COL19A1: variants seen among roughly 807,000 people sequenced by gnomAD.
COL19A1 encodes collagen type XIX alpha 1 chain.
A neutral mutation model predicts 190.2 loss-of-function variants in COL19A1; 159 were observed. The observed-to-expected ratio is 0.84, with a 90% confidence interval of 0.73 to 0.95. The LOEUF is 0.95. COL19A1 is among the 40% of genes least tolerant of loss of function. COL19A1 has a pLI of 0.00. For missense variants in COL19A1, 1,418 were observed against 1,431.9 expected (o/e 0.99, Z 0.16); for synonymous variants, 509 against 458.9 (o/e 1.11, Z -1.39).
At chr6:69,998,204 A>G (rs1451505204) in intron 11 of COL19A1, among the ~76,000 whole-genome samples, 1 of 152,236 alleles carries the variant, frequency 6.6e-6, no homozygotes, top group East Asian at 1.9e-4. Context: ...GCATAAATGA[A>G]CTATAAGAGT....
intron 2 of COL19A1, among the ~76,000 whole-genome samples, chr6:69,880,282 G>C (rs1208472880): frequency 6.6e-6 from 1 of 152,102 alleles, no homozygotes; most frequent in African/African-American, 2.4e-5. Flanking sequence ...TGATTATGTG[G>C]TTAATTTGGA....
intron 14 of COL19A1, chr6:70,059,683 A>G: frequency 2.5e-6 from 1 of 400,580 alleles, no homozygotes; most frequent in Admixed American, 3.3e-5. Flanking sequence ...ATTCTTTGTC[A>G]ATATTTTTAA....
At position 69,938,076 on chromosome 6, in the gene COL19A1, G is replaced by A; in HGVS notation, c.912G>A (p.Gly304=). The change falls in exon 9 of 51, where the codon GGG becomes GGA. Residue 304 remains glycine (G), a synonymous_variant. Coordinates refer to ENST00000620364, the MANE Select transcript of COL19A1 (RefSeq NM_001858.6). ...TACCAGGAGCTCCGGGTTCACCTGG[G>A]CAGAAAGGGCATAAAGGAGAGCCGG... ...AGLPGAPGSP[G]QKGHKGEPGE... The A allele has an allele frequency of 6.2e-7, 1 of 1,612,666 alleles. No individual in the cohort carries two copies. The highest frequency in any genetic ancestry group is 1.7e-5 in the Admixed American group (1 of 59,852).
In COL19A1 at chr6:70,188,244, C is replaced by T. The variant is rs755925878; in HGVS notation, c.3026C>T (p.Pro1009Leu). The change falls in exon 47 of 51, where the codon CCG (proline) becomes CTG (leucine). Residue 1009 changes from proline to leucine, a missense_variant and splice_region_variant. Coordinates refer to ENST00000620364, the MANE Select transcript of COL19A1 (RefSeq NM_001858.6). ...PPGSPGIPGI[P>L]ADAVSFEEIK... Reference sequence around the variant, plus strand: ...GGCTCTCCAGGCATCCCTGGCATTCCGGTAAGTAGTGCTAAGACGCTTTAG... The same window carrying T: ...GGCTCTCCAGGCATCCCTGGCATTCTGGTAAGTAGTGCTAAGACGCTTTAG... 2.6e-5 allele frequency: 42 copies of T among 1,606,940 alleles called. No individual in the cohort carries two copies. Among genetic ancestry groups the T allele is most frequent in the Admixed American group, 6.8e-5 (4 of 58,544 alleles).
At chr6:70,061,423 T>C (rs1780822132) in intron 14 of COL19A1, among the ~76,000 whole-genome samples, 1 of 151,880 alleles carries the variant, frequency 6.6e-6, no homozygotes, top group African/African-American at 2.4e-5. Flanking sequence ...AGCAAAAGTG[T>C]GGAGGAGGAG....
chr6:70,163,883 C>A (rs1034501157), intron 36 of COL19A1, among the ~76,000 whole-genome samples: 1 of 152,120 alleles, frequency 6.6e-6, no homozygotes, highest in Non-Finnish European at 1.5e-5. Flanking sequence ...ACAGAGTCTG[C>A]CTTCTTGTTC....
chr6:70,188,340 A>C, intron 47 of COL19A1, 95 bp downstream of exon 47: 6 of 1,373,574 alleles, frequency 4.4e-6, no homozygotes, highest in Non-Finnish European at 5.8e-6. Flanking sequence ...CAAATAAATA[A>C]AACAAACCTA....
At chr6:70,111,793 C>A (rs1784299309) in intron 16 of COL19A1, among the ~76,000 whole-genome samples, 1 of 152,158 alleles carries the variant, frequency 6.6e-6, no homozygotes, top group South Asian at 2.1e-4. Context: ...ATTAGCACAA[C>A]CTATAGATAA....
At position 70,141,747 on chromosome 6, in the gene COL19A1, G is replaced by C. The variant is rs577860950; in HGVS notation, c.1483-146G>C. Reference sequence around the variant, plus strand: ...AGTAAGTATTTTGAATCATGTTTTAGAATGAACTCTCCTTGATTTTATTGT... The same window carrying C: ...AGTAAGTATTTTGAATCATGTTTTACAATGAACTCTCCTTGATTTTATTGT... On this transcript the variant is annotated intron_variant, in intron 20 of 50. Transcript: ENST00000620364. The C allele has an allele frequency of 5.7e-5, 34 of 601,500 alleles. 1 individual carries two copies. Among genetic ancestry groups the C allele is most frequent in the South Asian group, 2.5e-4 (11 of 44,234 alleles). The allele number at this position is 601,500 out of a possible 1,614,324, so 37.3% of individuals were successfully genotyped here.
chr6:69,929,663 T>G lies in COL19A1; in HGVS notation c.629T>G (p.Val210Gly). 1 of 1,613,822 alleles carries G rather than the reference T, an allele frequency of 6.2e-7. No homozygotes were observed. The highest frequency in any genetic ancestry group is 8.5e-7 in the Non-Finnish European group (1 of 1,179,814). Reference protein sequence around the residue: ...KDTVDFHGRTVIATRASDGKP... With the variant: ...KDTVDFHGRTGIATRASDGKP... ...ACTGTGGATTTCCATGGACGGACAG[T>G]TATTGCTACGCGAGCTTCAGATGGC... Residue 210 changes from valine to glycine, a missense_variant, in exon 6 of 51, where the codon GTT (valine) becomes GGT (glycine). Val to Gly is a moderately radical substitution (Grantham distance 109). Coordinates refer to ENST00000620364, the MANE Select transcript of COL19A1 (RefSeq NM_001858.6).
chr6:70,055,492 C>T (rs1780442228), intron 14 of COL19A1, among the ~76,000 whole-genome samples: 1 of 151,870 alleles, frequency 6.6e-6, no homozygotes, highest in Non-Finnish European at 1.5e-5. Context: ...AAAATGTTCA[C>T]ATTTTTTGGC....
intron 2 of COL19A1, among the ~76,000 whole-genome samples, chr6:69,895,194 C>G (rs1261595889): frequency 6.6e-6 from 1 of 152,060 alleles, no homozygotes; most frequent in African/African-American, 2.4e-5. Flanking sequence ...CGGCATGGAG[C>G]TGCTGCTCAC....
chr6:70,019,437 TA>T (rs1778299587), intron 11 of COL19A1, among the ~76,000 whole-genome samples: 1 of 152,188 alleles, frequency 6.6e-6, no homozygotes, highest in African/African-American at 2.4e-5. Context: ...TTATGTATAA[TA>T]TTTTTGAATA....
intron 49 of COL19A1, among the ~76,000 whole-genome samples, chr6:70,206,634 C>CAAAAAA (rs34634051): frequency 9.8e-6 from 1 of 101,934 alleles, no homozygotes; most frequent in African/African-American, 4.0e-5. Context: ...GACTCTGTCT[C>CAAAAAA]AAAAAAAAAA....
intron 9 of COL19A1, among the ~76,000 whole-genome samples, chr6:69,945,673 T>G (rs960961972): frequency 1.3e-5 from 2 of 151,994 alleles, no homozygotes; most frequent in Non-Finnish European, 2.9e-5. Flanking sequence ...ACAAGTCCTT[T>G]TTTTGGATCA....
intron 15 of COL19A1, among the ~76,000 whole-genome samples, chr6:70,091,490 G>A (rs1782922550): frequency 1.3e-5 from 2 of 152,008 alleles, no homozygotes; most frequent in African/African-American, 4.8e-5. Flanking sequence ...AACAATTCTG[G>A]GCACATGCCA....
At chr6:70,030,917 A>G (rs1429362604) in intron 12 of COL19A1, among the ~76,000 whole-genome samples, 1 of 152,150 alleles carries the variant, frequency 6.6e-6, no homozygotes, top group Non-Finnish European at 1.5e-5. Flanking sequence ...AAGCTGTCAT[A>G]GCCCCTTTTA....
intron 4 of COL19A1, among the ~76,000 whole-genome samples, chr6:69,902,442 G>T (rs747638138): frequency 6.6e-6 from 1 of 152,142 alleles, no homozygotes; most frequent in African/African-American, 2.4e-5. Flanking sequence ...AATGCCTTGA[G>T]CCTTGCTTAA....
chr6:70,072,961 T>G (rs987216025), intron 15 of COL19A1, among the ~76,000 whole-genome samples: 1 of 62,608 alleles, frequency 1.6e-5, no homozygotes, highest in Non-Finnish European at 4.6e-5. Context: ...TGCCTGAATT[T>G]TATTTATTTA....
Sources: allele counts gnomAD v4.1 joint callset (sites outside exome capture counted in the v4.1 genomes callset), GRCh38; gene constraint gnomAD v4.1.1; transcripts MANE v1.5; gene names NCBI Gene and HGNC (gene_info 2026-07-23, HGNC 2026-07-21).